SUGCT: variants seen among roughly 807,000 people sequenced by gnomAD.
SUGCT encodes succinyl-CoA:glutarate CoA-transferase.
A neutral mutation model predicts 55.0 loss-of-function variants in SUGCT; 41 were observed. That is an observed-to-expected ratio of 0.74 (90% CI 0.58 to 0.97). The LOEUF (loss-of-function observed/expected upper bound fraction) is 0.97, where lower values mean the gene tolerates loss of function less well. Ranked by LOEUF, SUGCT falls within the 50% of genes least tolerant of loss-of-function variation. SUGCT has a pLI of 0.00. For synonymous variants in SUGCT, 187 were observed against 200.4 expected (o/e 0.93, Z 0.56); for missense variants, 568 against 547.8 (o/e 1.04, Z -0.37).
At chr7:40,737,460 C>G (rs1212357998) in intron 12 of SUGCT, among the ~76,000 whole-genome samples, 1 of 151,840 alleles carries the variant, frequency 6.6e-6, no homozygotes, top group Non-Finnish European at 1.5e-5. Flanking sequence ...ATTATTTTTT[C>G]AAATGACCAC....
intron 7 of SUGCT, among the ~76,000 whole-genome samples, chr7:40,257,354 G>A (rs1190803505): frequency 6.6e-6 from 1 of 152,012 alleles, no homozygotes; most frequent in Non-Finnish European, 1.5e-5. Flanking sequence ...TCATGTTACA[G>A]AGGAATAAGA....
At position 40,188,557 on chromosome 7, in the gene SUGCT, C is replaced by T. The variant is rs945008885; in HGVS notation, c.289C>T (p.Leu97Phe). The T allele has an allele frequency of 2.5e-6, 4 of 1,604,938 alleles. No individual in the cohort carries two copies. Among genetic ancestry groups the T allele is most frequent in the East Asian group, 2.3e-5 (1 of 44,432 alleles). ...TGTTGGGACAGAAAGTACATATTATCTCAGTGTTAACCGAAATAAAAAAGT... is the reference window on the plus strand; with the variant it reads ...TGTTGGGACAGAAAGTACATATTATTTCAGTGTTAACCGAAATAAAAAAGT... ...PFVGTESTYYLSVNRNKKSIA... is the reference protein window; with the variant it reads ...PFVGTESTYYFSVNRNKKSIA... Residue 97 changes from leucine (L) to phenylalanine (F), a missense_variant, in exon 4 of 14, where the codon CTC becomes TTC. Transcript: ENST00000335693.
chr7:40,605,145 T>C (rs1444848711), intron 12 of SUGCT, among the ~76,000 whole-genome samples: 1 of 152,268 alleles, frequency 6.6e-6, no homozygotes, highest in Non-Finnish European at 1.5e-5. Flanking sequence ...CATAAGACGA[T>C]GGCCATGGAA....
At chr7:40,974,352 AG>A in the SUGCT span, among the ~76,000 whole-genome samples, 1 of 152,216 alleles carries the variant, frequency 6.6e-6, no homozygotes, top group Admixed American at 6.5e-5. Flanking sequence ...GAGGTGATAA[AG>A]GTTAAATAAG....
chr7:40,524,329 T>C (rs1467862576), intron 12 of SUGCT, among the ~76,000 whole-genome samples: 3 of 152,160 alleles, frequency 2.0e-5, no homozygotes, highest in Non-Finnish European at 4.4e-5. Flanking sequence ...TTTTTAAATA[T>C]GCCATATATC....
the SUGCT span, among the ~76,000 whole-genome samples, chr7:40,990,551 T>G: frequency 6.6e-6 from 1 of 152,212 alleles, no homozygotes; most frequent in African/African-American, 2.4e-5. Flanking sequence ...ACCAGCTGCA[T>G]TAGCTAGTAA....
At chr7:40,348,354 A>G (rs1422280690) in intron 9 of SUGCT, among the ~76,000 whole-genome samples, 1 of 152,304 alleles carries the variant, frequency 6.6e-6, no homozygotes, top group East Asian at 1.9e-4. Flanking sequence ...GGTCTGTGAA[A>G]TGGTAAGGGT....
In SUGCT at chr7:40,189,513, AAT is replaced by A. The variant is rs563908901; in HGVS notation, c.313-16_313-15del. 0.022 allele frequency: 17,128 copies of A among 764,262 alleles called. 2 individuals are homozygous for A. Among genetic ancestry groups the A allele is most frequent in the East Asian group, 0.035 (800 of 22,686 alleles). The allele number at this position is 764,262 out of a possible 1,614,324, so 47.3% of individuals were successfully genotyped here. Reference sequence around the variant, plus strand: ...CTTCTTGTGTTTTGGTCATCGAAATAATATATATATATATATTTTTTAATTTT... The same window carrying A: ...CTTCTTGTGTTTTGGTCATCGAAATAATATATATATATATTTTTTAATTTT... On this transcript the variant is annotated intron_variant, in intron 4 of 13. Coordinates refer to ENST00000335693, the MANE Select transcript of SUGCT (RefSeq NM_001193313.2).
chr7:40,538,054 G>A (rs1314948947), intron 12 of SUGCT: 2 of 151,932 alleles, frequency 1.3e-5, no homozygotes, highest in African/African-American at 4.8e-5. Flanking sequence ...ATCCTCATTT[G>A]CATTCATCTG....
intron 13 of SUGCT, among the ~76,000 whole-genome samples, chr7:40,816,771 C>G (rs781011762): frequency 2.6e-5 from 4 of 152,244 alleles, no homozygotes; most frequent in Middle Eastern, 3.4e-3. Flanking sequence ...TATTCTTTAG[C>G]AAGCCCATTG....
intron 9 of SUGCT, among the ~76,000 whole-genome samples, chr7:40,362,156 C>T (rs1273181287): frequency 6.6e-6 from 1 of 152,106 alleles, no homozygotes; most frequent in Non-Finnish European, 1.5e-5. Flanking sequence ...CAGTGGCTAT[C>T]GCCTGTAATC....
At chr7:40,448,807 T>C (rs10275306) in intron 9 of SUGCT, among the ~76,000 whole-genome samples, 44,786 of 151,920 alleles carry the variant, frequency 0.29, 8,847 homozygotes, top group African/African-American at 0.56. Context: ...TGCCATTGCA[T>C]TCCATCCTGG....
intron 12 of SUGCT, among the ~76,000 whole-genome samples, chr7:40,508,009 G>A (rs1554353925): frequency 6.6e-6 from 1 of 152,072 alleles, no homozygotes; most frequent in Non-Finnish European, 1.5e-5. Flanking sequence ...CTTAGACTTA[G>A]AGCTCTCCAC....
Position 40,566,209 on chromosome 7 carries a change from T to A in SUGCT, c.1089+69823T>A, listed in dbSNP as rs1039061695. Among the ~76,000 whole-genome samples the A allele has an allele frequency of 5.9e-5, 9 of 152,018 alleles. No individual in the cohort carries two copies. The East Asian group carries it at 1.7e-3, about 29-fold the overall frequency. ...CAGAATATCATTACCACACCAAAAA[T>A]AATAATTAAGGAGATTCAATCATAT... is the stretch of plus-strand genomic sequence containing the variant. On this transcript the variant is annotated intron_variant, in intron 12 of 13. Coordinates refer to ENST00000335693, the MANE Select transcript of SUGCT (RefSeq NM_001193313.2).
rs5883745 is a variant in SUGCT at position 40,855,025 on chromosome 7, TAA to T, written c.1154-5278_1154-5277del. 3.5e-3 allele frequency among the ~76,000 whole-genome samples: 499 copies of T among 144,526 alleles called. 3 individuals are homozygous for T. Among genetic ancestry groups the T allele is most frequent in the African/African-American group, 0.012 (457 of 39,708 alleles). The allele number at this position is 144,526 out of a possible 152,430, so 94.8% of individuals were successfully genotyped here. ...TTTGGTGCAGTCTAATTTTATTCTT[TAA>T]AAAAAAAAAAAAGACTAGTTTCCAC... On this transcript the variant is annotated intron_variant, in intron 13 of 13. Transcript: ENST00000335693.
chr7:40,943,778 C>A, the SUGCT span, among the ~76,000 whole-genome samples: 1 of 152,008 alleles, frequency 6.6e-6, no homozygotes, highest in African/African-American at 2.4e-5. Context: ...GATTTATAGT[C>A]CTTTGGGTAA....
chr7:40,593,685 C>G (rs972682274), intron 12 of SUGCT, among the ~76,000 whole-genome samples: 2 of 151,952 alleles, frequency 1.3e-5, no homozygotes, highest in African/African-American at 4.8e-5. Context: ...ACTAAAAATA[C>G]AAAAATTAGT....
At chr7:40,754,119 C>T (rs1788143986) in intron 13 of SUGCT, among the ~76,000 whole-genome samples, 1 of 152,124 alleles carries the variant, frequency 6.6e-6, no homozygotes, top group Non-Finnish European at 1.5e-5. Context: ...TATGCTAATG[C>T]TATTGTTCTT....
At chr7:40,826,315 A>C (rs896325705) in intron 13 of SUGCT, among the ~76,000 whole-genome samples, 1 of 152,116 alleles carries the variant, frequency 6.6e-6, no homozygotes, top group East Asian at 1.9e-4. Context: ...AATTACACAT[A>C]AGATTATATT....
Sources: allele counts gnomAD v4.1 joint callset (sites outside exome capture counted in the v4.1 genomes callset), GRCh38; gene constraint gnomAD v4.1.1; transcripts MANE v1.5; gene names NCBI Gene and HGNC (gene_info 2026-07-23, HGNC 2026-07-21).